TAF4B: variants seen among roughly 807,000 people sequenced by gnomAD.
TAF4B encodes TATA-box binding protein associated factor 4b, also known as transcription initiation factor TFIID subunit 4B.
In TAF4B, 38 loss-of-function variants were observed where a neutral mutation model predicts 86.4. That is an observed-to-expected ratio of 0.44 (90% confidence interval 0.34 to 0.58). The LOEUF is 0.58. Ranked by LOEUF, TAF4B falls within the 20% of genes least tolerant of loss-of-function variation. The pLI, the probability that TAF4B is intolerant of heterozygous loss-of-function variation, is 0.02. For synonymous variants in TAF4B, 388 were observed against 391.2 expected (o/e 0.99, Z 0.10); for missense variants, 988 against 1,027.6 (o/e 0.96, Z 0.53).
intron 3 of TAF4B, among the ~76,000 whole-genome samples, chr18:26,270,604 A>G (rs536818368): frequency 6.6e-6 from 1 of 152,326 alleles, no homozygotes; most frequent in African/African-American, 2.4e-5. Flanking sequence ...GGCATCAGCC[A>G]TTGCACCCAG....
rs144210298 is a variant in TAF4B, at chr18:26,368,466, A to C, written c.2421+10672A>C. 6.1e-3 allele frequency among the ~76,000 whole-genome samples: 932 copies of C among 152,316 alleles called. 7 individuals carry two copies. The highest frequency in any genetic ancestry group is 0.016 in the African/African-American group (685 of 41,572). On this transcript the variant is annotated intron_variant, in intron 14 of 14. Transcript: ENST00000269142. Reference sequence around the variant, plus strand: ...TTTAACTAAAAGTCTATTCACATGAAAGGCCCAGATTTAATTTGCATTTCC... The same window carrying C: ...TTTAACTAAAAGTCTATTCACATGACAGGCCCAGATTTAATTTGCATTTCC...
At chr18:26,295,382 A>G (rs115632785) in intron 9 of TAF4B, 2,284 of 188,860 alleles carry the variant, frequency 0.012, 47 homozygotes, top group African/African-American at 0.051. Context: ...TTGGAAGGCA[A>G]TTTTTCCACA....
intron 13 of TAF4B, among the ~76,000 whole-genome samples, chr18:26,345,803 A>G (rs1250805344): frequency 6.6e-6 from 1 of 151,796 alleles, no homozygotes; most frequent in Non-Finnish European, 1.5e-5. Context: ...AAGGAACACA[A>G]TAATTTTCCA....
chr18:26,263,843 A>T (rs2056202772), intron 1 of TAF4B, among the ~76,000 whole-genome samples: 4 of 152,146 alleles, frequency 2.6e-5, no homozygotes. Flanking sequence ...CAGTTGTCCC[A>T]AGTAGCTGGG....
chr18:26,346,879 ATATATATATATATATATATATGTGTGTG>A (rs2057199563), intron 13 of TAF4B, among the ~76,000 whole-genome samples: 1 of 5,822 alleles, frequency 1.7e-4, no homozygotes, highest in Non-Finnish European at 5.0e-4. Context: ...ATATATGTGT[ATATATATATATATATATATATGTGTGTG>A]TATATATATA....
chr18:26,324,076 C>T (rs1009880833), intron 11 of TAF4B, among the ~76,000 whole-genome samples: 1 of 152,162 alleles, frequency 6.6e-6, no homozygotes, highest in Admixed American at 6.5e-5. Context: ...ATCTTCTTAG[C>T]AGTTACCATA....
Position 26,381,868 on chromosome 18 carries a change from A to G in TAF4B, c.2422-7977A>G, listed in dbSNP as rs1351392519. ...TATGTTCTAACCTCCCTGATATGTTATTATTAATGGTCATATATCTTTTAA... is the reference window on the plus strand; with the variant it reads ...TATGTTCTAACCTCCCTGATATGTTGTTATTAATGGTCATATATCTTTTAA... On this transcript the variant is annotated intron_variant, in intron 14 of 14. Coordinates refer to ENST00000269142, the MANE Select transcript of TAF4B (RefSeq NM_005640.3). 3.9e-5 allele frequency among the ~76,000 whole-genome samples: 6 copies of G among 152,084 alleles called. No individual in the cohort carries two copies. The East Asian group carries it at 5.8e-4, about 15-fold the overall frequency.
At chr18:26,282,128 A>G in intron 6 of TAF4B, 68 bp downstream of exon 6, 1 of 1,270,664 alleles carries the variant, frequency 7.9e-7, no homozygotes, top group Non-Finnish European at 1.1e-6. Context: ...AAAAATGGGA[A>G]TATTTCAATA....
intron 8 of TAF4B, 52 bp downstream of exon 8, chr18:26,292,433 G>T: frequency 3.2e-6 from 5 of 1,549,102 alleles, no homozygotes; most frequent in Non-Finnish European, 4.4e-6. Flanking sequence ...ACATGAAGGG[G>T]TTTTGTATAA....
chr18:26,256,856 T>C (rs1036790072), intron 1 of TAF4B, among the ~76,000 whole-genome samples: 1 of 151,434 alleles, frequency 6.6e-6, no homozygotes, highest in Non-Finnish European at 1.5e-5. Flanking sequence ...TCTAATTTCA[T>C]TCCATTGTAG....
intron 1 of TAF4B, among the ~76,000 whole-genome samples, chr18:26,259,554 A>G (rs1319807137): frequency 2.0e-5 from 3 of 152,072 alleles, no homozygotes; most frequent in African/African-American, 7.2e-5. Context: ...TGTCCTTACA[A>G]TAGTTTGCTG....
chr18:26,372,536 A>C (rs978940655), intron 14 of TAF4B, among the ~76,000 whole-genome samples: 8 of 152,116 alleles, frequency 5.3e-5, no homozygotes, highest in African/African-American at 1.9e-4. Context: ...TTTGCATTAC[A>C]CTCTTACTAA....
chr18:26,385,121 C>T (rs1978319977), intron 14 of TAF4B, among the ~76,000 whole-genome samples: 1 of 152,128 alleles, frequency 6.6e-6, no homozygotes, highest in African/African-American at 2.4e-5. Context: ...GTCCTTTCTG[C>T]TTCTGACTTA....
At chr18:26,368,234 A>G (rs1201026990) in intron 14 of TAF4B, among the ~76,000 whole-genome samples, 2 of 152,226 alleles carry the variant, frequency 1.3e-5, no homozygotes, top group South Asian at 2.1e-4. Flanking sequence ...AATGATCTTA[A>G]GTAGGTGTCA....
intron 9 of TAF4B, among the ~76,000 whole-genome samples, chr18:26,301,508 G>A (rs2056733431): frequency 6.6e-6 from 1 of 151,998 alleles, no homozygotes; most frequent in African/African-American, 2.4e-5. Context: ...CTCCCAGACT[G>A]GTCTTGAACT....
intron 11 of TAF4B, among the ~76,000 whole-genome samples, chr18:26,323,321 C>A (rs1229924222): frequency 1.3e-5 from 2 of 151,744 alleles, no homozygotes; most frequent in Admixed American, 1.3e-4. Flanking sequence ...GTATTAAAAT[C>A]TTCAACTATT....
rs574997159 is a variant in TAF4B at position 26,270,835 on chromosome 18, A to G, written c.597+3212A>G. On this transcript the variant is annotated intron_variant, in intron 3 of 14. Coordinates refer to ENST00000269142, the MANE Select transcript of TAF4B (RefSeq NM_005640.3). ...AATGTAGGCTTCAAACTACAGAACC[A>G]TGGAGTATTACATTGTGTTAGTACA... Among the ~76,000 whole-genome samples, 313 of 111,020 alleles carry G rather than the reference A, an allele frequency of 2.8e-3. 2 individuals carry two copies. The highest frequency in any genetic ancestry group is 7.6e-3 in the African/African-American group (305 of 39,960). The allele number at this position is 111,020 out of a possible 152,430, so 72.8% of individuals were successfully genotyped here.
chr18:26,354,228 C>T (rs1482249494), intron 13 of TAF4B, among the ~76,000 whole-genome samples: 1 of 152,218 alleles, frequency 6.6e-6, no homozygotes, highest in African/African-American at 2.4e-5. Context: ...GCGTCCCCAC[C>T]ATGCCCAGCT....
intron 1 of TAF4B, among the ~76,000 whole-genome samples, chr18:26,261,818 C>T (rs1307705130): frequency 6.6e-6 from 1 of 152,200 alleles, no homozygotes; most frequent in Non-Finnish European, 1.5e-5. Flanking sequence ...AAGCTACCAG[C>T]CTCGTCTTAA....
Sources: allele counts gnomAD v4.1 joint callset (sites outside exome capture counted in the v4.1 genomes callset), GRCh38; gene constraint gnomAD v4.1.1; transcripts MANE v1.5; gene names NCBI Gene and HGNC (gene_info 2026-07-23, HGNC 2026-07-21).